The following TTC14 variants were observed in gnomAD, a reference collection of about 807,000 sequenced individuals.
The protein encoded by TTC14 is tetratricopeptide repeat protein 14.
In TTC14, 63 loss-of-function variants were observed where a neutral mutation model predicts 79.9. That is an observed-to-expected ratio of 0.79 (90% CI 0.64 to 0.97). TTC14 has a LOEUF of 0.97. Ranked by LOEUF, TTC14 falls within the 50% of genes least tolerant of loss-of-function variation. The pLI is 0.00. For synonymous variants in TTC14, 335 were observed against 309.6 expected (o/e 1.08, Z -0.86); for missense variants, 895 against 894.0 (o/e 1.00, Z -0.01).
intron 11 of TTC14, 199 bp from the exon 12 acceptor site, chr3:180,609,431 T>C: frequency 7.8e-7 from 1 of 1,283,714 alleles, no homozygotes; most frequent in Non-Finnish European, 9.8e-7. Context: ...TTGCTTACAA[T>C]GATACCTGTC....
At chr3:180,617,732 A>AT (rs1271294942) in exon 13 of TTC14, 1 of 376,592 alleles carries the variant, frequency 2.7e-6, no homozygotes, top group African/African-American at 2.1e-5. Flanking sequence ...GAGTAAAAAA[A>AT]TTTTACAAAA....
intron 3 of TTC14, 160 bp downstream of exon 3, chr3:180,603,483 GT>G: frequency 1.5e-6 from 1 of 663,926 alleles, no homozygotes. Context: ...ATTAGTGTAA[GT>G]TACCCAGTTT....
At chr3:180,605,723 A>T (rs1325144341) in intron 6 of TTC14, 43 bp from the exon 7 acceptor site, 1 of 1,463,554 alleles carries the variant, frequency 6.8e-7, no homozygotes, top group Non-Finnish European at 9.3e-7. Flanking sequence ...TTACTTAAAA[A>T]ATATTTGTGG....
At position 180,602,965 on chromosome 3, in the gene TTC14, C is replaced by G. The variant is rs768774692; in HGVS notation, c.236C>G (p.Ser79Cys). Residue 79 changes from serine to cysteine, a missense_variant, in exon 2 of 12, where the codon TCC (serine) becomes TGC (cysteine). Physicochemically the swap from Ser to Cys is moderately radical, Grantham distance 112 (BLOSUM62 -1). Transcript: ENST00000296015. ...AAAGCGGATCTGCTTTTTGCACTTT[C>G]CTGGAAATCAGATGCACCTGCAACT... is the stretch of plus-strand genomic sequence containing the variant. Reference protein sequence around the residue: ...SKKADLLFALSWKSDAPATSE... With the variant: ...SKKADLLFALCWKSDAPATSE... 39 of 1,613,730 alleles carry G rather than the reference C, an allele frequency of 2.4e-5. No homozygotes were observed. Among genetic ancestry groups the G allele is most frequent in the Non-Finnish European group, 5.9e-6 (7 of 1,179,970 alleles).
At chr3:180,615,421 G>A (rs1019881444), downstream of TTC14, among the ~76,000 whole-genome samples, 1 of 152,064 alleles carries the variant, frequency 6.6e-6, no homozygotes, top group Non-Finnish European at 1.5e-5. Flanking sequence ...TTTGGTGCTG[G>A]CAAAAATAAT....
In TTC14 at chr3:180,604,940, G is replaced by A; in HGVS notation, c.790G>A (p.Glu264Lys). 1.2e-6 allele frequency: 2 copies of A among 1,613,942 alleles called. No individual in the cohort carries two copies. The highest frequency in any genetic ancestry group is 1.7e-6 in the Non-Finnish European group (2 of 1,179,952). Reference sequence around the variant, plus strand: ...GGGATTTGTTAATCCAGGAGTAGTTGAATTCCTTCTAGAAAAACTAGGAAT... The same window carrying A: ...GGGATTTGTTAATCCAGGAGTAGTTAAATTCCTTCTAGAAAAACTAGGAAT... ...SLGFVNPGVV[E>K]FLLEKLGIDE... is the part of the protein sequence containing the mutation. The change falls in exon 6 of 12, where the codon GAA becomes AAA. Residue 264 changes from glutamate to lysine, a missense_variant. Coordinates refer to ENST00000296015, the MANE Select transcript of TTC14 (RefSeq NM_133462.4).
Position 180,610,406 on chromosome 3 carries a change from T to C in TTC14, c.2177T>C (p.Val726Ala), listed in dbSNP as rs143783615. ...TATGGGGAGGATATCAAAACAGAGG[T>C]TCCAGAAGAAGATGCACTAAGTAGC... ...DNYGEDIKTE[V>A]PEEDALSSKE... The change falls in exon 12 of 12, where the codon GTT becomes GCT. Residue 726 changes from valine to alanine, a missense_variant. Physicochemically the swap from Val to Ala is moderately conservative, Grantham distance 64 (BLOSUM62 0). Coordinates refer to ENST00000296015, the MANE Select transcript of TTC14 (RefSeq NM_133462.4). 750 of 1,613,322 alleles carry C rather than the reference T, an allele frequency of 4.6e-4. 2 individuals are homozygous for C. The highest frequency in any genetic ancestry group is 2.8e-3 in the Admixed American group (169 of 59,950).
chr3:180,603,287 T>C lies in TTC14; in HGVS notation c.450T>C (p.Ser150=). 1 of 1,613,964 alleles carries C rather than the reference T, an allele frequency of 6.2e-7. No individual in the cohort carries two copies. The highest frequency in any genetic ancestry group is 8.5e-7 in the Non-Finnish European group (1 of 1,179,950). Residue 150 remains serine (S), a synonymous_variant, in exon 3 of 12, where the codon AGT becomes AGC. Coordinates refer to ENST00000296015, the MANE Select transcript of TTC14 (RefSeq NM_133462.4). ...TCATGGTGTTGATCTGTTTAGGAAG[T>C]GGTATCATGAGAGATATAGCCCACT... ...GFFMVLICLG[S]GIMRDIAHLE...
chr3:180,606,478 T>C lies in TTC14; in HGVS notation c.1050-3T>C. 6.2e-7 allele frequency: 1 copy of C among 1,613,846 alleles called. No individual in the cohort carries two copies. The highest frequency in any genetic ancestry group is 8.5e-7 in the Non-Finnish European group (1 of 1,179,900). On this transcript the variant is annotated splice_region_variant and splice_polypyrimidine_tract_variant and intron_variant, in intron 8 of 11. Transcript: ENST00000296015. Reference sequence around the variant, plus strand: ...GCCCTCTATCTTTGTTTCATGTCTCTAGATATGCGACAAAAGGAAGTTTGA... The same window carrying C: ...GCCCTCTATCTTTGTTTCATGTCTCCAGATATGCGACAAAAGGAAGTTTGA...
At chr3:180,616,498 TAGAAG>T in intron 12 of TTC14, 1 of 1,515,244 alleles carries the variant, frequency 6.6e-7, no homozygotes, top group Non-Finnish European at 8.8e-7. Context: ...AAATATTTAA[TAGAAG>T]GTGCTGTATT....
At chr3:180,609,168 C>A in intron 11 of TTC14, 1 of 639,074 alleles carries the variant, frequency 1.6e-6, no homozygotes, top group Non-Finnish European at 2.0e-6. Context: ...ATTGCCATAA[C>A]TGATAGGGTG....
Position 180,610,422 on chromosome 3 carries a change from A to G in TTC14, c.2193A>G (p.Ala731=), listed in dbSNP as rs1268248539. 3 of 1,613,802 alleles carry G rather than the reference A, an allele frequency of 1.9e-6. No homozygotes were observed. The highest frequency in any genetic ancestry group is 2.7e-5 in the African/African-American group (2 of 74,940). ...DIKTEVPEED[A]LSSKEHSESS... is the part of the protein sequence containing the mutation. ...AAACAGAGGTTCCAGAAGAAGATGC[A>G]CTAAGTAGCAAAGAACACTCAGAAA... Residue 731 remains alanine, a synonymous_variant, in exon 12 of 12, where the codon GCA becomes GCG. Transcript: ENST00000296015.
rs1716913446 is a variant in TTC14 at position 180,610,141 on chromosome 3, G to T, written c.1912G>T (p.Glu638Ter). The part of the protein sequence containing the change: ...NSSDSFCRNS[E>*]DKIYGYRRFE... ...CTCAGATTCCTTCTGTAGGAATTCAGAGGACAAGATTTATGGTTATAGGAG... is the reference window on the plus strand; with the variant it reads ...CTCAGATTCCTTCTGTAGGAATTCATAGGACAAGATTTATGGTTATAGGAG... Residue 638 changes from glutamate (E) to a stop codon, truncating the protein, a stop_gained, in exon 12 of 12, where the codon GAG becomes TAG. Transcript: ENST00000296015. LOFTEE classifies it high-confidence loss of function. The T allele has an allele frequency of 1.9e-6, 3 of 1,612,818 alleles. No individual in the cohort carries two copies. The highest frequency in any genetic ancestry group is 2.5e-6 in the Non-Finnish European group (3 of 1,179,664).
chr3:180,603,027 C>T lies in TTC14; in HGVS notation c.286+12C>T. On this transcript the variant is annotated intron_variant, in intron 2 of 11. Coordinates refer to ENST00000296015, the MANE Select transcript of TTC14 (RefSeq NM_133462.4). Reference sequence around the variant, plus strand: ...TGAAGACAGTGAAGGTCAGTTTAGCCTTAAAATCTTTAAGATTGCGGTTCG... The same window carrying T: ...TGAAGACAGTGAAGGTCAGTTTAGCTTTAAAATCTTTAAGATTGCGGTTCG... 4 of 1,610,756 alleles carry T rather than the reference C, an allele frequency of 2.5e-6. No homozygotes were observed. The highest frequency in any genetic ancestry group is 3.4e-6 in the Non-Finnish European group (4 of 1,179,006).
rs1716384378 is a variant in TTC14 at position 180,602,172 on chromosome 3, C to T, written c.-90C>T. On this transcript the variant is annotated 5_prime_UTR_variant, in exon 1 of 12. Transcript: ENST00000296015. ...ACTTCCGGCAGCCTCCAGACAGTTT[C>T]TTCCGCTTCCTGTACCACCCGGCTC... 3 of 1,522,782 alleles carry T rather than the reference C, an allele frequency of 2.0e-6. No individual in the cohort carries two copies. Among genetic ancestry groups the T allele is most frequent in the Non-Finnish European group, 2.7e-6 (3 of 1,126,156 alleles). 94.3% of individuals were successfully genotyped at this position (1,522,782 alleles called of 1,614,324 possible).
Position 180,602,203 on chromosome 3 carries a change from G to C in TTC14, c.-59G>C. On this transcript the variant is annotated 5_prime_UTR_variant, in exon 1 of 12. Coordinates refer to ENST00000296015, the MANE Select transcript of TTC14 (RefSeq NM_133462.4). ...CTTCCTGTACCACCCGGCTCAAGTAGCGGACACGGAACAGGGAACTATCAG... is the reference window on the plus strand; with the variant it reads ...CTTCCTGTACCACCCGGCTCAAGTACCGGACACGGAACAGGGAACTATCAG... 1 of 1,589,416 alleles carries C rather than the reference G, an allele frequency of 6.3e-7. No homozygotes were observed. The highest frequency in any genetic ancestry group is 8.6e-7 in the Non-Finnish European group (1 of 1,167,696).
Position 180,610,618 on chromosome 3 carries a change from A to G in TTC14, c.*76A>G. 6.7e-7 allele frequency: 1 copy of G among 1,493,054 alleles called. No individual in the cohort carries two copies. The highest frequency in any genetic ancestry group is 1.5e-5 in the South Asian group (1 of 68,800). 92.5% of individuals were successfully genotyped at this position (1,493,054 alleles called of 1,614,324 possible). ...TTGGTTGTATTAGTCATAACAGTTGAGTGCAGAAATCTCTGCTTCTAAAAT... is the reference window on the plus strand; with the variant it reads ...TTGGTTGTATTAGTCATAACAGTTGGGTGCAGAAATCTCTGCTTCTAAAAT... On this transcript the variant is annotated 3_prime_UTR_variant, in exon 12 of 12. Transcript: ENST00000296015.
chr3:180,606,178 A>G, intron 7 of TTC14, 75 bp from the exon 8 acceptor site: 1 of 1,580,082 alleles, frequency 6.3e-7, no homozygotes, highest in South Asian at 1.2e-5. Context: ...ATTTGCTTTT[A>G]AAACTTATTC....
At chr3:180,609,362 A>C (rs1163665086) in intron 11 of TTC14, 64 of 1,131,506 alleles carry the variant, frequency 5.7e-5, no homozygotes, top group Non-Finnish European at 6.8e-5. Flanking sequence ...TTATGTGTTC[A>C]GTAGTCTTAA....
Sources: gnomAD v4.1 joint callset for allele counts (sites outside exome capture counted in the v4.1 genomes callset) on GRCh38, gnomAD v4.1.1 for gene constraint, MANE v1.5 for transcripts, NCBI Gene and HGNC (gene_info 2026-07-23, HGNC 2026-07-21) for gene names.